The following SRBD1 variants were observed in gnomAD, a reference collection of about 807,000 sequenced individuals.
SRBD1 encodes S1 RNA-binding domain-containing protein 1.
SRBD1 carries 88 observed loss-of-function variants against 115.3 expected under a neutral mutation model. That is an observed-to-expected ratio of 0.76 (90% CI 0.64 to 0.91). The LOEUF (loss-of-function observed/expected upper bound fraction) is 0.91, where lower values mean the gene tolerates loss of function less well. Among genes scored for constraint, SRBD1 ranks in the 40% least tolerant of loss-of-function variants. The pLI is 0.00. For missense variants in SRBD1, 1,385 were observed against 1,177.4 expected, an observed-to-expected ratio of 1.18 and a Z score of -2.58; for synonymous variants, 509 against 407.7, an observed-to-expected ratio of 1.25 and a Z score of -2.99.
At chr2:45,562,482 T>G (rs766466430) in intron 10 of SRBD1, among the ~76,000 whole-genome samples, 171 bp downstream of exon 10, 31 of 152,186 alleles carry the variant, frequency 2.0e-4, no homozygotes, top group Non-Finnish European at 4.3e-4. Context: ...TCCACCCCCC[T>G]CAGCCTCCGA....
chr2:45,524,414 C>T (rs963423651), intron 14 of SRBD1, among the ~76,000 whole-genome samples: 4 of 151,956 alleles, frequency 2.6e-5, no homozygotes, highest in African/African-American at 9.7e-5. Flanking sequence ...AAGAAATCCA[C>T]TAAAAACTGT....
intron 14 of SRBD1, among the ~76,000 whole-genome samples, chr2:45,543,782 TA>T (rs1440676311): frequency 6.6e-6 from 1 of 152,118 alleles, no homozygotes; most frequent in Non-Finnish European, 1.5e-5. Context: ...AAAAGTACAT[TA>T]AAAGACTAAT....
chr2:45,601,214 C>T (rs994440579), intron 3 of SRBD1, among the ~76,000 whole-genome samples: 1 of 152,190 alleles, frequency 6.6e-6, no homozygotes, highest in African/African-American at 2.4e-5. Flanking sequence ...TAAACTCAAA[C>T]GAATGGATTT....
At chr2:45,557,481 A>T (rs886875860) in intron 10 of SRBD1, among the ~76,000 whole-genome samples, 1 of 152,156 alleles carries the variant, frequency 6.6e-6, no homozygotes, top group African/African-American at 2.4e-5. Context: ...CTTGGCTTGG[A>T]CTGCTCTCCT....
intron 9 of SRBD1, among the ~76,000 whole-genome samples, chr2:45,567,270 G>A (rs937336071): frequency 6.6e-6 from 1 of 151,950 alleles, no homozygotes; most frequent in Non-Finnish European, 1.5e-5. Flanking sequence ...ATATACTTGA[G>A]AAATTTCTAA....
chr2:45,553,719 C>T lies in SRBD1; in HGVS notation c.1421G>A (p.Arg474His), dbSNP rs536689903. Residue 474 changes from arginine to histidine, a missense_variant, in exon 11 of 21, where the codon CGT becomes CAT. Transcript: ENST00000263736. Reference protein sequence around the residue: ...RWCIQNRWRPRSFARPELMKI... With the variant: ...RWCIQNRWRPHSFARPELMKI... ...CATTAACTCTGGCCTTGCAAAGCTA[C>T]GTGGTCTCCACCTGCAAAACAGAAA... 21 of 1,589,748 alleles carry T rather than the reference C, an allele frequency of 1.3e-5. No individual in the cohort carries two copies. The highest frequency in any genetic ancestry group is 4.6e-5 in the South Asian group (4 of 86,400).
chr2:45,416,988 A>G (rs568768194), intron 18 of SRBD1, among the ~76,000 whole-genome samples: 1 of 152,340 alleles, frequency 6.6e-6, no homozygotes, highest in East Asian at 1.9e-4. Flanking sequence ...CATGTTAGCC[A>G]GGCTGGTCAC....
At chr2:45,412,967 A>G (rs1667646998) in intron 19 of SRBD1, 147 bp downstream of exon 19, 5 of 843,382 alleles carry the variant, frequency 5.9e-6, no homozygotes, top group Non-Finnish European at 8.9e-6. Context: ...ATAATGTGCC[A>G]CATAACTCAG....
intron 1 of SRBD1, among the ~76,000 whole-genome samples, chr2:45,610,351 T>A (rs888040680): frequency 6.6e-6 from 1 of 152,212 alleles, no homozygotes; most frequent in Admixed American, 6.5e-5. Flanking sequence ...CAAGTTTCCA[T>A]GAAGGACCAA....
At chr2:45,455,564 A>C (rs1669126718) in intron 16 of SRBD1, among the ~76,000 whole-genome samples, 1 of 151,836 alleles carries the variant, frequency 6.6e-6, no homozygotes, top group African/African-American at 2.4e-5. Context: ...GAAAGCCATT[A>C]TCCTAACTCT....
chr2:45,514,225 T>TA (rs1488442787), intron 14 of SRBD1, among the ~76,000 whole-genome samples: 3 of 152,200 alleles, frequency 2.0e-5, no homozygotes, highest in African/African-American at 7.2e-5. Flanking sequence ...TTCTTACAAT[T>TA]AAGTGTATTA....
At position 45,463,030 on chromosome 2, in the gene SRBD1, GGA is replaced by G. The variant is rs796201717; in HGVS notation, c.2049+13961_2049+13962del. ...TTGAGAATAACCCGGGGGGGGGGGG[GGA>G]AATCTCTCTTGTCAATATAATTTTC... On this transcript the variant is annotated intron_variant, in intron 16 of 20. Coordinates refer to ENST00000263736, the MANE Select transcript of SRBD1 (RefSeq NM_018079.5). Among the ~76,000 whole-genome samples, 354 of 74,628 alleles carry G rather than the reference GGA, an allele frequency of 4.7e-3. 2 individuals carry two copies. Among genetic ancestry groups the G allele is most frequent in the East Asian group, 0.018 (43 of 2,374 alleles). The allele number at this position is 74,628 out of a possible 152,430, so 49.0% of individuals were successfully genotyped here.
intron 4 of SRBD1, among the ~76,000 whole-genome samples, chr2:45,596,526 G>C (rs1673899473): frequency 6.6e-6 from 1 of 152,180 alleles, no homozygotes; most frequent in Non-Finnish European, 1.5e-5. Context: ...TCAATTCTCA[G>C]TAATTTCTCA....
chr2:45,479,269 G>GCA lies in SRBD1; in HGVS notation c.1967-2196_1967-2195dup, dbSNP rs1387109428. 2.6e-5 allele frequency among the ~76,000 whole-genome samples: 4 copies of GCA among 152,056 alleles called. No homozygotes were observed. In the East Asian group the frequency reaches 7.7e-4, roughly 29 times the overall value. ...AAGTGTTCAAGTAAAAGGAAGAGTC[G>GCA]CACGTCTCTCACTTTAAATCAAAAG... is the stretch of plus-strand genomic sequence containing the variant. On this transcript the variant is annotated intron_variant, in intron 15 of 20. Coordinates refer to ENST00000263736, the MANE Select transcript of SRBD1 (RefSeq NM_018079.5).
intron 14 of SRBD1, among the ~76,000 whole-genome samples, chr2:45,542,426 A>G (rs1352957117): frequency 6.6e-6 from 1 of 152,184 alleles, no homozygotes; most frequent in Non-Finnish European, 1.5e-5. Flanking sequence ...AACTGCGCCC[A>G]GGAGCATGGG....
intron 5 of SRBD1, among the ~76,000 whole-genome samples, chr2:45,582,559 A>G (rs1204417251): frequency 6.6e-6 from 1 of 152,084 alleles, no homozygotes; most frequent in Non-Finnish European, 1.5e-5. Context: ...TTATTCACTG[A>G]TTTATTTATA....
chr2:45,509,310 C>G (rs1164441354), intron 14 of SRBD1, among the ~76,000 whole-genome samples: 1 of 152,086 alleles, frequency 6.6e-6, no homozygotes, highest in East Asian at 1.9e-4. Flanking sequence ...GAAACACACA[C>G]ACAAGGCAGG....
chr2:45,467,862 C>T (rs1669535984), intron 16 of SRBD1, among the ~76,000 whole-genome samples: 1 of 152,062 alleles, frequency 6.6e-6, no homozygotes. Flanking sequence ...ATAGGGAAGA[C>T]ACTAAAACCA....
At chr2:45,503,645 G>C (rs925489163) in intron 14 of SRBD1, among the ~76,000 whole-genome samples, 1 of 152,150 alleles carries the variant, frequency 6.6e-6, no homozygotes, top group African/African-American at 2.4e-5. Context: ...AAAGACGGCA[G>C]CTAAAGTTCA....
Sources: gnomAD v4.1 joint callset for allele counts (sites outside exome capture counted in the v4.1 genomes callset) on GRCh38, gnomAD v4.1.1 for gene constraint, MANE v1.5 for transcripts, NCBI Gene and HGNC (gene_info 2026-07-23, HGNC 2026-07-21) for gene names.